Variants in TUSC3 observed in about 807,000 individuals in gnomAD.
TUSC3 encodes tumor suppressor candidate 3.
TUSC3 carries 45 observed loss-of-function variants against 44.8 expected under a neutral mutation model. That is an observed-to-expected ratio of 1.00 (90% confidence interval 0.79 to 1.29). The LOEUF is 1.29. Ranked by LOEUF, TUSC3 falls within the 50% of genes most tolerant of loss-of-function variation. The pLI, the probability that TUSC3 is intolerant of heterozygous loss-of-function variation, is 0.00. For missense variants in TUSC3, 519 were observed against 437.9 expected (o/e 1.19, Z -1.65); for synonymous variants, 212 against 152.9 (o/e 1.39, Z -2.85).
intron 1 of TUSC3, among the ~76,000 whole-genome samples, chr8:15,584,613 AG>A (rs1348205640): frequency 1.3e-5 from 2 of 151,942 alleles, no homozygotes; most frequent in African/African-American, 4.8e-5. Flanking sequence ...AAGGCTTCCT[AG>A]GTAATTGAGT....
At chr8:15,660,069 G>A (rs921356966) in intron 4 of TUSC3, among the ~76,000 whole-genome samples, 1 of 151,916 alleles carries the variant, frequency 6.6e-6, no homozygotes, top group Non-Finnish European at 1.5e-5. Context: ...ACTATAAATT[G>A]GTGTAACCAT....
chr8:15,543,579 A>G (rs1801760411), intron 1 of TUSC3, among the ~76,000 whole-genome samples: 1 of 152,124 alleles, frequency 6.6e-6, no homozygotes, highest in Non-Finnish European at 1.5e-5. Context: ...CATGTAAAAT[A>G]TATAACTATA....
At chr8:15,848,210 C>A in the TUSC3 span, among the ~76,000 whole-genome samples, 1 of 152,132 alleles carries the variant, frequency 6.6e-6, no homozygotes, top group East Asian at 1.9e-4. Flanking sequence ...CATGGATCAA[C>A]GACCTGCTTT....
At chr8:15,462,527 T>C (rs1262995732) in intron 1 of TUSC3, among the ~76,000 whole-genome samples, 3 of 152,068 alleles carry the variant, frequency 2.0e-5, no homozygotes, top group Admixed American at 6.6e-5. Flanking sequence ...GTTAATGTTA[T>C]CTCCCTACGA....
At chr8:15,434,255 T>C (rs1174721694) in intron 1 of TUSC3, among the ~76,000 whole-genome samples, 1 of 152,178 alleles carries the variant, frequency 6.6e-6, no homozygotes, top group Non-Finnish European at 1.5e-5. Flanking sequence ...TTGTGAAGTG[T>C]CTGTTAAAGC....
intron 1 of TUSC3, among the ~76,000 whole-genome samples, chr8:15,608,004 T>C (rs1202315136): frequency 6.6e-6 from 1 of 152,204 alleles, no homozygotes; most frequent in Non-Finnish European, 1.5e-5. Flanking sequence ...CAAGTGCAGT[T>C]TGGGGTTTCC....
the TUSC3 span, among the ~76,000 whole-genome samples, chr8:15,822,095 A>T: frequency 6.6e-6 from 1 of 152,200 alleles, no homozygotes; most frequent in Non-Finnish European, 1.5e-5. Context: ...TAGGAAAGAA[A>T]GTGAGATACC....
chr8:15,559,426 T>C (rs1802377707), intron 1 of TUSC3, among the ~76,000 whole-genome samples: 1 of 148,318 alleles, frequency 6.7e-6, no homozygotes, highest in East Asian at 2.0e-4. Context: ...CTTCCAAGTA[T>C]GTGGTCAATT....
intron 2 of TUSC3, among the ~76,000 whole-genome samples, chr8:15,525,651 G>T (rs1028214660): frequency 6.6e-6 from 1 of 152,180 alleles, no homozygotes; most frequent in Non-Finnish European, 1.5e-5. Context: ...GGGCTAGGCA[G>T]ATAATCCAGA....
At chr8:15,610,528 T>C (rs770759426) in intron 1 of TUSC3, among the ~76,000 whole-genome samples, 1 of 152,228 alleles carries the variant, frequency 6.6e-6, no homozygotes, top group Non-Finnish European at 1.5e-5. Flanking sequence ...ATTTAACATC[T>C]GGCAACAGCA....
At chr8:15,540,734 A>T (rs1196734791) in intron 1 of TUSC3, among the ~76,000 whole-genome samples, 166 bp downstream of exon 1, 3 of 152,028 alleles carry the variant, frequency 2.0e-5, no homozygotes, top group Non-Finnish European at 2.9e-5. Context: ...CGTTTCCGGG[A>T]CGTGGAGTTA....
At chr8:15,773,200 T>C in the TUSC3 span, among the ~76,000 whole-genome samples, 1 of 152,128 alleles carries the variant, frequency 6.6e-6, no homozygotes, top group Admixed American at 6.5e-5. Flanking sequence ...TTACTTCCTT[T>C]CACAGATGGC....
At chr8:15,434,530 C>CTTTTTTTTTTTTTTTT (rs59579003) in intron 1 of TUSC3, among the ~76,000 whole-genome samples, 1 of 135,682 alleles carries the variant, frequency 7.4e-6, no homozygotes, top group African/African-American at 2.7e-5. Context: ...AAAGCCATTC[C>CTTTTTTTTTTTTTTTT]TTTTTTTTTT....
chr8:15,719,514 CACCA>C (rs1160325066), intron 6 of TUSC3, among the ~76,000 whole-genome samples: 33 of 134,458 alleles, frequency 2.5e-4, no homozygotes, highest in African/African-American at 7.5e-4. Flanking sequence ...CACACACACA[CACCA>C]CACACACACA....
At chr8:15,555,868 A>G (rs1338415872) in intron 1 of TUSC3, among the ~76,000 whole-genome samples, 5 of 151,618 alleles carry the variant, frequency 3.3e-5, no homozygotes, top group Admixed American at 6.6e-5. Flanking sequence ...TTTATGAAAT[A>G]TAAGCCAATG....
intron 1 of TUSC3, among the ~76,000 whole-genome samples, chr8:15,471,194 G>A (rs75289290): frequency 0.1 from 15,186 of 151,954 alleles, 1,030 homozygotes; most frequent in African/African-American, 0.19. Context: ...GTAAATCATC[G>A]TCTTACTTCC....
chr8:15,461,900 C>T (rs1285032485), intron 1 of TUSC3, among the ~76,000 whole-genome samples: 3 of 151,808 alleles, frequency 2.0e-5, no homozygotes, highest in African/African-American at 7.3e-5. Flanking sequence ...TAAAAAAATA[C>T]TGTATGAAAC....
chr8:15,668,051 A>T (rs1421946792), intron 5 of TUSC3, among the ~76,000 whole-genome samples: 2 of 151,742 alleles, frequency 1.3e-5, no homozygotes, highest in East Asian at 3.9e-4. Context: ...GTGTTTATTG[A>T]ATGCTTGCCT....
chr8:15,633,336 G>C (rs1464435554), intron 2 of TUSC3, among the ~76,000 whole-genome samples: 1 of 152,172 alleles, frequency 6.6e-6, no homozygotes, highest in Non-Finnish European at 1.5e-5. Context: ...GAATGCCTCA[G>C]TGAGTTGAGG....
Sources: allele counts gnomAD v4.1 joint callset (sites outside exome capture counted in the v4.1 genomes callset), GRCh38; gene constraint gnomAD v4.1.1; transcripts MANE v1.5; gene names NCBI Gene and HGNC (gene_info 2026-07-23, HGNC 2026-07-21).